Variants in ZNF385D observed in about 807,000 individuals in gnomAD.
The protein encoded by ZNF385D is zinc finger protein 385D.
A neutral mutation model predicts 35.8 loss-of-function variants in ZNF385D; 15 were observed. That is an observed-to-expected ratio of 0.42 (90% CI 0.28 to 0.64). The LOEUF is 0.64. Among genes scored for constraint, ZNF385D ranks in the 30% least tolerant of loss-of-function variants. The pLI is 0.23. For synonymous variants in ZNF385D, 212 were observed against 186.8 expected, an observed-to-expected ratio of 1.13 and a Z score of -1.10; for missense variants, 474 against 494.6, an observed-to-expected ratio of 0.96 and a Z score of 0.39.
intron 2 of ZNF385D, among the ~76,000 whole-genome samples, chr3:22,313,147 A>G (rs1703673126): frequency 6.6e-6 from 1 of 151,922 alleles, no homozygotes; most frequent in African/African-American, 2.4e-5. Context: ...ACTATCGCCA[A>G]GGACAAAAAC....
At chr3:22,280,488 G>C (rs1701680734) in intron 2 of ZNF385D, among the ~76,000 whole-genome samples, 1 of 151,802 alleles carries the variant, frequency 6.6e-6, no homozygotes, top group South Asian at 2.1e-4. Context: ...TCTACATGTG[G>C]CTTGCCGATT....
In ZNF385D at chr3:21,562,781, A is replaced by G. The variant is rs79473701; in HGVS notation, c.276+1793T>C. On this transcript the variant is annotated intron_variant, in intron 3 of 7. Transcript: ENST00000281523. The stretch of plus-strand genomic sequence containing the variant: ...GTTTGCTGAGTGTTTAAAAATGATC[A>G]AAGTTGAAGCTGTTGAGTTTAGAAC... Among the ~76,000 whole-genome samples, 70 of 152,070 alleles carry G rather than the reference A, an allele frequency of 4.6e-4. No individual in the cohort carries two copies. The East Asian group carries it at 0.013, about 29-fold the overall frequency.
chr3:21,750,970 A>C lies in ZNF385D; in HGVS notation c.-54T>G, dbSNP rs2070047415. Reference sequence around the variant, plus strand: ...TGTCTTCAGCATCAGCTCTCACCCAAGGCTGGCACGTAGAGCAGAGCCCTT... The same window carrying C: ...TGTCTTCAGCATCAGCTCTCACCCACGGCTGGCACGTAGAGCAGAGCCCTT... On this transcript the variant is annotated 5_prime_UTR_variant, in exon 1 of 8. Transcript: ENST00000281523. The C allele has an allele frequency of 3.7e-6, 6 of 1,613,674 alleles. No homozygotes were observed. Among genetic ancestry groups the C allele is most frequent in the Admixed American group, 3.3e-5 (2 of 60,006 alleles).
At chr3:21,890,289 G>A (rs1698782304) in intron 3 of ZNF385D, among the ~76,000 whole-genome samples, 1 of 152,152 alleles carries the variant, frequency 6.6e-6, no homozygotes, top group Non-Finnish European at 1.5e-5. Context: ...AAAAGAAGTG[G>A]GAAAGAAAGA....
intron 3 of ZNF385D, among the ~76,000 whole-genome samples, chr3:22,019,981 C>A (rs113657305): frequency 6.6e-6 from 1 of 151,572 alleles, no homozygotes; most frequent in Non-Finnish European, 1.5e-5. Flanking sequence ...AAGATAACTT[C>A]GTGTAATAAA....
At chr3:22,089,366 A>G (rs1965283) in intron 3 of ZNF385D, among the ~76,000 whole-genome samples, 20,263 of 152,234 alleles carry the variant, frequency 0.13, 1,596 homozygotes, top group Middle Eastern at 0.24. Context: ...TTCAGTAATA[A>G]TGTTGGTAGA....
At chr3:21,518,153 G>T (rs1211463398) in intron 3 of ZNF385D, among the ~76,000 whole-genome samples, 4 of 152,230 alleles carry the variant, frequency 2.6e-5, no homozygotes, top group Admixed American at 2.6e-4. Context: ...TAAGATGAAT[G>T]TATAATCATT....
chr3:21,762,580 AAT>A (rs1364827992), intron 3 of ZNF385D, among the ~76,000 whole-genome samples: 10 of 152,184 alleles, frequency 6.6e-5, no homozygotes, highest in Non-Finnish European at 1.3e-4. Context: ...TGGCAAAATT[AAT>A]ATGTCTCATC....
chr3:21,997,323 G>T (rs970108727), intron 3 of ZNF385D, among the ~76,000 whole-genome samples: 1 of 152,034 alleles, frequency 6.6e-6, no homozygotes, highest in Non-Finnish European at 1.5e-5. Context: ...CACAGGGTGG[G>T]GAACATCACA....
At chr3:21,900,847 T>G (rs568576236) in intron 3 of ZNF385D, among the ~76,000 whole-genome samples, 2 of 152,296 alleles carry the variant, frequency 1.3e-5, no homozygotes, top group South Asian at 4.1e-4. Flanking sequence ...TAAAAGCTGG[T>G]AATTAATTAA....
intron 3 of ZNF385D, among the ~76,000 whole-genome samples, chr3:22,091,329 G>A (rs891299306): frequency 6.6e-6 from 1 of 152,162 alleles, no homozygotes; most frequent in Non-Finnish European, 1.5e-5. Flanking sequence ...GAGCAGCTTT[G>A]CAGACCAGAT....
At chr3:22,124,435 A>G (rs1168854093) in intron 3 of ZNF385D, among the ~76,000 whole-genome samples, 3 of 152,102 alleles carry the variant, frequency 2.0e-5, no homozygotes, top group Non-Finnish European at 4.4e-5. Context: ...TTTTTAGGGT[A>G]TACATACTTA....
intron 2 of ZNF385D, among the ~76,000 whole-genome samples, chr3:22,249,037 G>A (rs1287445196): frequency 6.6e-6 from 1 of 152,146 alleles, no homozygotes; most frequent in African/African-American, 2.4e-5. Context: ...GAATCATTCA[G>A]AAGTGGATAT....
intron 2 of ZNF385D, among the ~76,000 whole-genome samples, chr3:22,171,964 A>C (rs1221359274): frequency 6.6e-6 from 1 of 152,102 alleles, no homozygotes; most frequent in Non-Finnish European, 1.5e-5. Flanking sequence ...AGGAGGCAAT[A>C]TTCGTAAGCA....
intron 3 of ZNF385D, among the ~76,000 whole-genome samples, chr3:22,117,214 A>G (rs1702857936): frequency 6.6e-6 from 1 of 152,018 alleles, no homozygotes; most frequent in Admixed American, 6.6e-5. Context: ...TATTACAAGT[A>G]GAAGTGTGCT....
chr3:22,277,897 G>T (rs1701512323), intron 2 of ZNF385D, among the ~76,000 whole-genome samples: 1 of 152,014 alleles, frequency 6.6e-6, no homozygotes, highest in Non-Finnish European at 1.5e-5. Context: ...TGTGTTTAAA[G>T]AACATTGTGG....
chr3:21,648,538 T>G (rs561519006), intron 2 of ZNF385D, among the ~76,000 whole-genome samples: 1 of 152,274 alleles, frequency 6.6e-6, no homozygotes, highest in South Asian at 2.1e-4. Flanking sequence ...GGAAGAAAGA[T>G]GGGAGAATCA....
intron 3 of ZNF385D, among the ~76,000 whole-genome samples, chr3:21,900,183 A>C (rs1458997285): frequency 6.6e-6 from 1 of 152,218 alleles, no homozygotes; most frequent in Non-Finnish European, 1.5e-5. Flanking sequence ...GTTTCAACAA[A>C]GATAAAAGCA....
Position 21,602,371 on chromosome 3 carries a change from C to T in ZNF385D, c.166-37687G>A, listed in dbSNP as rs978324244. 9.9e-5 allele frequency among the ~76,000 whole-genome samples: 15 copies of T among 151,864 alleles called. 1 individual carries two copies. The highest frequency in any genetic ancestry group is 9.2e-4 in the Admixed American group (14 of 15,264). On this transcript the variant is annotated intron_variant, in intron 2 of 7. Coordinates refer to ENST00000281523, the MANE Select transcript of ZNF385D (RefSeq NM_024697.3). Reference sequence around the variant, plus strand: ...GGACAATCTAGCACATATTGGCCAGCGTGCAAATATTGATGAAAATAATAA... The same window carrying T: ...GGACAATCTAGCACATATTGGCCAGTGTGCAAATATTGATGAAAATAATAA...
Sources: gnomAD v4.1 joint callset for allele counts (sites outside exome capture counted in the v4.1 genomes callset) on GRCh38, gnomAD v4.1.1 for gene constraint, MANE v1.5 for transcripts, NCBI Gene and HGNC (gene_info 2026-07-23, HGNC 2026-07-21) for gene names.